Variants in ADAMTSL1 observed in about 807,000 individuals in gnomAD.
ADAMTSL1 encodes ADAMTS like 1.
ADAMTSL1 carries 126 observed loss-of-function variants against 201.8 expected under a neutral mutation model. That is an observed-to-expected ratio of 0.62 (90% confidence interval 0.54 to 0.72). The LOEUF (loss-of-function observed/expected upper bound fraction) is 0.72, where lower values mean the gene tolerates loss of function less well. ADAMTSL1 is among the 30% of genes least tolerant of loss of function. ADAMTSL1 has a pLI of 0.00. For missense variants in ADAMTSL1, 2,679 were observed against 2,277.8 expected (o/e 1.18, Z -3.59); for synonymous variants, 1,121 against 903.4 (o/e 1.24, Z -4.32).
At chr9:18,118,798 A>T (rs976710546) in intron 1 of ADAMTSL1, among the ~76,000 whole-genome samples, 5 of 152,180 alleles carry the variant, frequency 3.3e-5, no homozygotes, top group African/African-American at 1.2e-4. Flanking sequence ...ATATGCCTTT[A>T]TTCGAAATTG....
At chr9:18,487,063 G>T (rs1822034199) in intron 1 of ADAMTSL1, among the ~76,000 whole-genome samples, 5 of 152,124 alleles carry the variant, frequency 3.3e-5, no homozygotes, top group Admixed American at 2.0e-4. Context: ...AAATGTATCT[G>T]CCCTGATTAA....
At chr9:18,388,020 TG>T (rs1236190946) in intron 2 of ADAMTSL1, among the ~76,000 whole-genome samples, 5 of 148,276 alleles carry the variant, frequency 3.4e-5, no homozygotes, top group African/African-American at 1.2e-4. Context: ...TCATACGTAA[TG>T]TTCTTATTTA....
At chr9:18,120,096 G>A (rs1328489586) in intron 1 of ADAMTSL1, among the ~76,000 whole-genome samples, 1 of 152,128 alleles carries the variant, frequency 6.6e-6, no homozygotes, top group Admixed American at 6.6e-5. Flanking sequence ...GATGGTTCTG[G>A]ATCAGGCTCT....
chr9:18,391,035 C>T (rs1456399428), intron 2 of ADAMTSL1, among the ~76,000 whole-genome samples: 1 of 152,138 alleles, frequency 6.6e-6, no homozygotes, highest in African/African-American at 2.4e-5. Flanking sequence ...GAAGGAGCTA[C>T]AGGAGCCCTT....
Position 18,248,882 on chromosome 9 carries a change from C to G in ADAMTSL1, c.207+84901C>G, listed in dbSNP as rs1386128722. 7.2e-5 allele frequency among the ~76,000 whole-genome samples: 11 copies of G among 152,162 alleles called. No homozygotes were observed. In the South Asian group the frequency reaches 1.5e-3, roughly 20 times the overall value. ...TTTTTTCTTACATAGTTGAATAAAT[C>G]TCAGCTTTTGAGTTGAGCAAAGAAA... is the stretch of plus-strand genomic sequence containing the variant. On this transcript the variant is annotated intron_variant, in intron 2 of 29. Coordinates refer to the ADAMTSL1 transcript ENST00000680146.
intron 2 of ADAMTSL1, among the ~76,000 whole-genome samples, chr9:18,296,170 T>C (rs1714273957): frequency 6.6e-6 from 1 of 152,172 alleles, no homozygotes; most frequent in Admixed American, 6.5e-5. Flanking sequence ...TGAAACATTC[T>C]AAAGACAACT....
chr9:18,818,311 CA>C lies in ADAMTSL1; in HGVS notation c.3934+1075del, dbSNP rs1301091704. ...TGTCTGCAGAGTAGATAGGCAGTGG[CA>C]CCCCCATGCTTTGGTGGTTGCTTCA... On this transcript the variant is annotated intron_variant, in intron 21 of 28. Transcript: ENST00000380548. 9.5e-4 allele frequency among the ~76,000 whole-genome samples: 50 copies of C among 52,702 alleles called. No individual in the cohort carries two copies. In the South Asian group the frequency reaches 0.032, roughly 34 times the overall value. 34.6% of individuals were successfully genotyped at this position (52,702 alleles called of 152,430 possible). A position where few individuals can be genotyped will look rare whatever the true frequency, so the allele number is the denominator to read the frequency against.
intron 13 of ADAMTSL1, among the ~76,000 whole-genome samples, chr9:18,705,929 G>A (rs768653054): frequency 1.3e-5 from 2 of 152,164 alleles, no homozygotes; most frequent in Non-Finnish European, 2.9e-5. Context: ...CAAAACTGAG[G>A]TCCAGCCTGG....
chr9:18,137,063 C>A (rs1234712953), intron 1 of ADAMTSL1, among the ~76,000 whole-genome samples: 1 of 151,904 alleles, frequency 6.6e-6, no homozygotes, highest in African/African-American at 2.4e-5. Context: ...AAAATGATGA[C>A]AGATCAGATG....
chr9:17,978,783 C>A (rs528993439), intron 1 of ADAMTSL1, among the ~76,000 whole-genome samples: 12 of 151,830 alleles, frequency 7.9e-5, no homozygotes, highest in African/African-American at 2.7e-4. Flanking sequence ...TTTTTACCAT[C>A]ATATATTTTC....
chr9:18,885,273 T>C (rs1383194894), intron 23 of ADAMTSL1, among the ~76,000 whole-genome samples: 1 of 152,204 alleles, frequency 6.6e-6, no homozygotes, highest in Non-Finnish European at 1.5e-5. Flanking sequence ...GAATTCACCC[T>C]TTTATAATGG....
intron 23 of ADAMTSL1, among the ~76,000 whole-genome samples, chr9:18,843,722 C>A (rs1373621024): frequency 6.6e-6 from 1 of 150,802 alleles, no homozygotes; most frequent in Non-Finnish European, 1.5e-5. Context: ...TTCTTGGAGG[C>A]TTTGTTCATT....
At chr9:18,146,053 G>A (rs2132024708) in intron 1 of ADAMTSL1, among the ~76,000 whole-genome samples, 1 of 152,190 alleles carries the variant, frequency 6.6e-6, no homozygotes, top group South Asian at 2.1e-4. Flanking sequence ...CTATTAGAAT[G>A]ACTAAAATCC....
intron 4 of ADAMTSL1, among the ~76,000 whole-genome samples, chr9:18,575,261 G>A (rs1412959052): frequency 1.3e-5 from 2 of 152,132 alleles, no homozygotes; most frequent in Non-Finnish European, 2.9e-5. Flanking sequence ...GTCAGGCAAG[G>A]TTTTATGCAT....
At chr9:18,218,468 A>G (rs1830133940) in intron 2 of ADAMTSL1, among the ~76,000 whole-genome samples, 1 of 152,204 alleles carries the variant, frequency 6.6e-6, no homozygotes, top group Admixed American at 6.5e-5. Context: ...AAAAAAGTTC[A>G]AACGTTACCA....
chr9:18,401,873 G>C (rs774193960), intron 2 of ADAMTSL1, among the ~76,000 whole-genome samples: 1 of 152,166 alleles, frequency 6.6e-6, no homozygotes, highest in Non-Finnish European at 1.5e-5. Context: ...GTTCTCACCT[G>C]CAAGGGTATG....
rs189139588 is a variant in ADAMTSL1, at chr9:18,118,827, C to T, written c.88-45035C>T. Among the ~76,000 whole-genome samples, 9 of 152,254 alleles carry T rather than the reference C, an allele frequency of 5.9e-5. No homozygotes were observed. The East Asian group carries it at 1.2e-3, about 20-fold the overall frequency. ...GAAATTGTAGTTGATTTGAAGGTAG[C>T]GCTATCCCTAAGTTGTCTAATATCC... On this transcript the variant is annotated intron_variant, in intron 1 of 29. Transcript: ENST00000680146.
chr9:18,266,389 G>C (rs560932793), intron 2 of ADAMTSL1, among the ~76,000 whole-genome samples: 1 of 152,224 alleles, frequency 6.6e-6, no homozygotes, highest in Admixed American at 6.5e-5. Context: ...TGAGTCAGTC[G>C]GCCAAGAGAA....
chr9:18,586,897 A>C (rs1823530003), intron 4 of ADAMTSL1, among the ~76,000 whole-genome samples: 1 of 152,212 alleles, frequency 6.6e-6, no homozygotes, highest in African/African-American at 2.4e-5. Flanking sequence ...AGCCATATGC[A>C]GAAGACTGGA....
Sources: gnomAD v4.1 joint callset for allele counts (sites outside exome capture counted in the v4.1 genomes callset) on GRCh38, gnomAD v4.1.1 for gene constraint, MANE v1.5 for transcripts, NCBI Gene and HGNC (gene_info 2026-07-23, HGNC 2026-07-21) for gene names.